Variants in PCDH19 observed in about 807,000 individuals in gnomAD.
The protein encoded by PCDH19 is protocadherin-19.
In PCDH19, 6 loss-of-function variants were observed where a neutral mutation model predicts 46.2. That is an observed-to-expected ratio of 0.13 (90% CI 0.07 to 0.26). The LOEUF is 0.26. Ranked by LOEUF, PCDH19 falls within the 10% of genes least tolerant of loss-of-function variation. The probability of loss-of-function intolerance (pLI) is 1.00; values close to 1 mark genes in which losing one functional copy is unlikely to be tolerated. For synonymous variants in PCDH19, 481 were observed against 415.7 expected (o/e 1.16, Z -1.91); for missense variants, 740 against 972.3 (o/e 0.76, Z 3.18).
At chrX:100,317,596 TAA>T (rs55887431) in intron 5 of PCDH19, among the ~76,000 whole-genome samples, 351 of 95,200 alleles carry the variant, frequency 3.7e-3, no homozygotes, top group Middle Eastern at 5.2e-3. Flanking sequence ...TCACCATATT[TAA>T]AAAAAAAAAA....
In PCDH19 at chrX:100,406,646, G is replaced by C; in HGVS notation, c.1952C>G (p.Ser651Cys). 1 of 1,211,734 alleles carries C rather than the reference G, an allele frequency of 8.3e-7. No individual in the cohort carries two copies. Among genetic ancestry groups the C allele is most frequent in the Non-Finnish European group, 1.1e-6 (1 of 895,416 alleles). The change falls in exon 1 of 6, where the codon TCT becomes TGT. Residue 651 changes from serine to cysteine, a missense_variant. Around this residue, in one of 5 missense-constraint regions of PCDH19, gnomAD observed 416 missense variants for 476.8 expected, o/e 0.87. Coordinates refer to ENST00000373034, the MANE Select transcript of PCDH19 (RefSeq NM_001184880.2). Reference protein sequence around the residue: ...IVVAHDHGKTSLSASALVLIY... With the variant: ...IVVAHDHGKTCLSASALVLIY... ...TAGGACGAGAGCAGAGGCAGAGAGA[G>C]ATGTCTTGCCGTGGTCGTGAGCCAC...
intron 2 of PCDH19, among the ~76,000 whole-genome samples, chrX:100,403,299 C>A (rs914653834): frequency 1.6e-4 from 17 of 107,507 alleles, no homozygotes; most frequent in African/African-American, 5.8e-4. Context: ...CTTGCCAGTT[C>A]CTCCAGGCAT....
intron 3 of PCDH19, among the ~76,000 whole-genome samples, chrX:100,352,956 C>T (rs1206726204): frequency 8.9e-6 from 1 of 112,453 alleles, no homozygotes; most frequent in Non-Finnish European, 1.9e-5. Flanking sequence ...TTCAAATATT[C>T]ATTTCACTCT....
At chrX:100,363,886 T>TGTGTGTGAGAGA (rs1207488480) in intron 3 of PCDH19, among the ~76,000 whole-genome samples, 100 of 98,041 alleles carry the variant, frequency 1.0e-3, no homozygotes, top group African/African-American at 3.3e-3. Context: ...TGTGTGTGTG[T>TGTGTGTGAGAGA]GAGAGAGAGG....
intron 3 of PCDH19, among the ~76,000 whole-genome samples, chrX:100,386,407 A>G (rs1033772546): frequency 7.2e-5 from 8 of 111,851 alleles, no homozygotes; most frequent in African/African-American, 2.6e-4. Context: ...AATTCAATAA[A>G]CAAAATTCCT....
At chrX:100,368,999 T>A (rs1479627138) in intron 3 of PCDH19, among the ~76,000 whole-genome samples, 1 of 111,827 alleles carries the variant, frequency 8.9e-6, no homozygotes, top group African/African-American at 3.3e-5. Flanking sequence ...CTAAAAAGAA[T>A]AAGGTGGTCA....
At chrX:100,367,591 G>C (rs758634936) in intron 3 of PCDH19, among the ~76,000 whole-genome samples, 49 of 111,701 alleles carry the variant, frequency 4.4e-4, no homozygotes, top group Admixed American at 8.5e-4. Context: ...CAAGACAGAA[G>C]ATGGAAGGAC....
intron 3 of PCDH19, among the ~76,000 whole-genome samples, chrX:100,373,197 CG>C (rs1396865442): frequency 2.2e-4 from 25 of 112,426 alleles, no homozygotes; most frequent in African/African-American, 8.1e-4. Flanking sequence ...TTAGTAGAGA[CG>C]GGGTTTCACC....
chrX:100,404,753 C>G (rs899466136), intron 1 of PCDH19, among the ~76,000 whole-genome samples: 3 of 110,483 alleles, frequency 2.7e-5, no homozygotes, highest in Admixed American at 9.7e-5. Context: ...AAGCTGATTT[C>G]TTTTTCATCA....
chrX:100,336,299 A>C (rs1926085555), intron 5 of PCDH19, among the ~76,000 whole-genome samples: 1 of 112,123 alleles, frequency 8.9e-6, no homozygotes, highest in Non-Finnish European at 1.9e-5. Flanking sequence ...TAAGAAGATA[A>C]AAGAAGGATG....
At chrX:100,386,915 T>C (rs1396526421) in intron 3 of PCDH19, among the ~76,000 whole-genome samples, 1 of 111,866 alleles carries the variant, frequency 8.9e-6, no homozygotes, top group Non-Finnish European at 1.9e-5. Context: ...AAAGTCATAG[T>C]CTCCATTTAT....
At chrX:100,342,575 A>C (rs1926285665) in intron 4 of PCDH19, among the ~76,000 whole-genome samples, 1 of 111,939 alleles carries the variant, frequency 8.9e-6, no homozygotes, top group Non-Finnish European at 1.9e-5. Context: ...GAAGTGAGAT[A>C]ACTCGCCCAA....
At chrX:100,305,654 T>C (rs1269354044) in intron 5 of PCDH19, among the ~76,000 whole-genome samples, 2 of 111,788 alleles carry the variant, frequency 1.8e-5, no homozygotes, top group Non-Finnish European at 3.8e-5. Flanking sequence ...ACCAACCACG[T>C]TTCTGCTGTC....
intron 3 of PCDH19, among the ~76,000 whole-genome samples, chrX:100,356,171 C>T (rs1042861045): frequency 6.2e-4 from 69 of 111,523 alleles, no homozygotes; most frequent in African/African-American, 2.2e-3. Context: ...TTAAGTTACA[C>T]TTTTAAAGTC....
chrX:100,332,196 G>T (rs183206651), intron 5 of PCDH19, among the ~76,000 whole-genome samples: 50 of 112,075 alleles, frequency 4.5e-4, no homozygotes, highest in African/African-American at 1.6e-3. Context: ...ATAAATAAAT[G>T]ATACATAATT....
rs3752337 is a variant in PCDH19 at position 100,341,840 on chromosome X, G to T, written c.2848+63C>A. 3.8e-3 allele frequency: 3,826 copies of T among 1,007,222 alleles called. 144 individuals are homozygous for T. In the East Asian group the frequency reaches 0.089, roughly 23 times the overall value. The allele number at this position is 1,007,222 out of a possible 1,213,427, so 83.0% of individuals were successfully genotyped here. On this transcript the variant is annotated intron_variant, in intron 5 of 5. Transcript: ENST00000373034. Reference sequence around the variant, plus strand: ...CTCATTAAGCAAAGTAGTATAGTGTGCCTACAAACATTTTGGGTTCTTTGG... The same window carrying T: ...CTCATTAAGCAAAGTAGTATAGTGTTCCTACAAACATTTTGGGTTCTTTGG...
At chrX:100,319,253 A>G (rs1409635636) in intron 5 of PCDH19, among the ~76,000 whole-genome samples, 6 of 111,680 alleles carry the variant, frequency 5.4e-5, no homozygotes, top group Admixed American at 3.8e-4. Flanking sequence ...CTTAAGTGTA[A>G]GGGACACATA....
intron 3 of PCDH19, among the ~76,000 whole-genome samples, chrX:100,394,622 G>A (rs1291869021): frequency 8.9e-6 from 1 of 111,882 alleles, no homozygotes; most frequent in Admixed American, 9.5e-5. Context: ...ATGGGAAGAT[G>A]GCAGCTGTCA....
At chrX:100,306,054 T>C (rs1222619209) in intron 5 of PCDH19, among the ~76,000 whole-genome samples, 1 of 111,587 alleles carries the variant, frequency 9.0e-6, no homozygotes, top group Admixed American at 9.5e-5. Flanking sequence ...AACTATAACC[T>C]ACAGCAAATG....
Sources: allele counts gnomAD v4.1 joint callset (sites outside exome capture counted in the v4.1 genomes callset), GRCh38; gene constraint gnomAD v4.1.1; regional missense constraint gnomAD v4.1.1; transcripts MANE v1.5; gene names NCBI Gene and HGNC (gene_info 2026-07-23, HGNC 2026-07-21).